RBMS3: variants seen among roughly 807,000 people sequenced by gnomAD.
RBMS3 encodes the protein RNA binding motif single stranded interacting protein 3.
Under a neutral mutation model 66.8 loss-of-function variants are expected in RBMS3, and 27 were observed. The observed-to-expected ratio is 0.40, with a 90% CI of 0.30 to 0.56. RBMS3 has a LOEUF of 0.56. Ranked by LOEUF, RBMS3 falls within the 20% of genes least tolerant of loss-of-function variation. The pLI, the probability that RBMS3 is intolerant of heterozygous loss-of-function variation, is 0.40. For missense variants in RBMS3, 513 were observed against 549.5 expected, an observed-to-expected ratio of 0.93 and a Z score of 0.66; for synonymous variants, 188 against 183.0, an observed-to-expected ratio of 1.03 and a Z score of -0.22.
chr3:29,403,305 G>A (rs1336202080), intron 1 of RBMS3, among the ~76,000 whole-genome samples: 1 of 152,006 alleles, frequency 6.6e-6, no homozygotes, highest in Non-Finnish European at 1.5e-5. Flanking sequence ...TAATATAGAT[G>A]GACGTATTTC....
chr3:30,003,717 A>G (rs2125406685), intron 14 of RBMS3, 139 bp from the exon 15 acceptor site: 1 of 503,734 alleles, frequency 2.0e-6, no homozygotes, highest in East Asian at 3.4e-5. Flanking sequence ...TAGACTCAGT[A>G]TGATTTTATG....
chr3:29,444,788 C>CTT (rs558839351), intron 2 of RBMS3, among the ~76,000 whole-genome samples: 13,387 of 49,900 alleles, frequency 0.27, 3,885 homozygotes, highest in South Asian at 0.36. Flanking sequence ...AAATATATGC[C>CTT]TTTTTTTTTT....
intron 4 of RBMS3, among the ~76,000 whole-genome samples, chr3:29,591,295 A>G (rs1180780710): frequency 6.6e-6 from 1 of 152,170 alleles, no homozygotes; most frequent in Non-Finnish European, 1.5e-5. Context: ...CAACAGGCCC[A>G]TGGCTCCTCC....
At chr3:29,464,843 G>C (rs538581724) in intron 2 of RBMS3, among the ~76,000 whole-genome samples, 5 of 152,128 alleles carry the variant, frequency 3.3e-5, no homozygotes, top group Non-Finnish European at 7.3e-5. Context: ...GTTCCCTCGT[G>C]ATGTCTTATC....
At chr3:29,658,940 A>G (rs1017846596) in intron 4 of RBMS3, among the ~76,000 whole-genome samples, 2 of 152,138 alleles carry the variant, frequency 1.3e-5, no homozygotes, top group Admixed American at 1.3e-4. Flanking sequence ...CTACTGCCTC[A>G]GCCTCCCGAG....
chr3:29,376,462 C>G (rs1007139261), intron 1 of RBMS3, among the ~76,000 whole-genome samples: 1 of 152,138 alleles, frequency 6.6e-6, no homozygotes, highest in Non-Finnish European at 1.5e-5. Flanking sequence ...GAATGTTTCA[C>G]GGGAGCAGTT....
At chr3:29,913,331 A>G (rs1243438682) in intron 10 of RBMS3, among the ~76,000 whole-genome samples, 1 of 152,038 alleles carries the variant, frequency 6.6e-6, no homozygotes, top group Non-Finnish European at 1.5e-5. Context: ...GAGAAATGAC[A>G]GAAAAACTAT....
At chr3:29,940,566 G>A (rs1577205564) in intron 11 of RBMS3, among the ~76,000 whole-genome samples, 1 of 151,910 alleles carries the variant, frequency 6.6e-6, no homozygotes, top group South Asian at 2.1e-4. Flanking sequence ...TCCTTTTAAA[G>A]TCCCTGGCTA....
chr3:29,501,601 A>G (rs1421373160), intron 3 of RBMS3, among the ~76,000 whole-genome samples: 1 of 152,110 alleles, frequency 6.6e-6, no homozygotes, highest in East Asian at 1.9e-4. Flanking sequence ...GGTCAGCCCT[A>G]TCTGCATTAG....
intron 4 of RBMS3, among the ~76,000 whole-genome samples, chr3:29,611,385 T>C (rs1055344890): frequency 1.3e-5 from 2 of 152,028 alleles, no homozygotes; most frequent in Non-Finnish European, 2.9e-5. Context: ...TAGAGGTCCC[T>C]GTTGTAAATT....
intron 6 of RBMS3, among the ~76,000 whole-genome samples, chr3:29,801,928 T>TGTATAA (rs2057403788): frequency 6.6e-6 from 1 of 151,516 alleles, no homozygotes; most frequent in Non-Finnish European, 1.5e-5. Flanking sequence ...TACAGCATAT[T>TGTATAA]TGTATATTCA....
intron 1 of RBMS3, among the ~76,000 whole-genome samples, chr3:29,345,257 T>TC (rs1345883486): frequency 2.6e-4 from 39 of 152,342 alleles, no homozygotes; most frequent in African/African-American, 9.4e-4. Context: ...GATAGTCTTG[T>TC]CTATAATTTC....
At chr3:29,755,095 G>C (rs114845521) in intron 5 of RBMS3, among the ~76,000 whole-genome samples, 188 of 152,272 alleles carry the variant, frequency 1.2e-3, no homozygotes, top group African/African-American at 4.1e-3. Context: ...ATGTATTCCA[G>C]AGTCATTAAT....
At chr3:29,937,624 T>C (rs2061300424) in intron 11 of RBMS3, among the ~76,000 whole-genome samples, 1 of 151,980 alleles carries the variant, frequency 6.6e-6, no homozygotes, top group Non-Finnish European at 1.5e-5. Flanking sequence ...AAGCAGTCGA[T>C]GGTAACTTAC....
At chr3:29,320,530 A>C (rs1008823765) in intron 1 of RBMS3, among the ~76,000 whole-genome samples, 4 of 152,058 alleles carry the variant, frequency 2.6e-5, no homozygotes, top group African/African-American at 9.7e-5. Flanking sequence ...CAAACATGAC[A>C]TATGTAACTT....
At chr3:29,422,390 C>A (rs1467522658) in intron 1 of RBMS3, among the ~76,000 whole-genome samples, 1 of 82,750 alleles carries the variant, frequency 1.2e-5, no homozygotes, top group East Asian at 4.4e-4. Context: ...TAGAATATCA[C>A]CAGCCCAAAA....
At chr3:29,295,456 T>A (rs139089013) in intron 1 of RBMS3, among the ~76,000 whole-genome samples, 7,157 of 150,446 alleles carry the variant, frequency 0.048, 223 homozygotes, top group South Asian at 0.075. Flanking sequence ...TCTAGGGAAA[T>A]AATTCAAGAT....
At chr3:29,600,903 T>C (rs530635326) in intron 4 of RBMS3, among the ~76,000 whole-genome samples, 5 of 152,022 alleles carry the variant, frequency 3.3e-5, no homozygotes, top group Non-Finnish European at 7.4e-5. Context: ...CACTATGTAA[T>C]GTAAAAATGA....
intron 1 of RBMS3, among the ~76,000 whole-genome samples, chr3:29,388,665 C>T (rs2039126973): frequency 6.6e-6 from 1 of 152,162 alleles, no homozygotes; most frequent in South Asian, 2.1e-4. Flanking sequence ...AGCTCTGCCT[C>T]ACGCCATTCT....
Sources: allele counts gnomAD v4.1 joint callset (sites outside exome capture counted in the v4.1 genomes callset), GRCh38; gene constraint gnomAD v4.1.1; transcripts MANE v1.5; gene names NCBI Gene and HGNC (gene_info 2026-07-23, HGNC 2026-07-21).